The following AKAP9 variants were observed in gnomAD, a reference collection of about 807,000 sequenced individuals.
AKAP9 encodes the protein A-kinase anchor protein 9.
A neutral mutation model predicts 488.5 loss-of-function variants in AKAP9; 311 were observed. That is an observed-to-expected ratio of 0.64 (90% confidence interval 0.58 to 0.70). AKAP9 has a LOEUF of 0.70. AKAP9 is among the 30% of genes least tolerant of loss of function. The pLI, the probability that AKAP9 is intolerant of heterozygous loss-of-function variation, is 0.00. For missense variants in AKAP9, 4,215 were observed against 4,374.5 expected (o/e 0.96, Z 1.03); for synonymous variants, 1,462 against 1,483.5 (o/e 0.99, Z 0.33).
At chr7:91,993,314 G>T (rs1363188313) in intron 5 of AKAP9, among the ~76,000 whole-genome samples, 1 of 151,634 alleles carries the variant, frequency 6.6e-6, no homozygotes, top group Non-Finnish European at 1.5e-5. Context: ...TCAGCCTTGT[G>T]AGTAACTGGG....
intron 43 of AKAP9, among the ~76,000 whole-genome samples, chr7:92,098,966 C>T (rs1817093622): frequency 6.6e-6 from 1 of 152,100 alleles, no homozygotes; most frequent in South Asian, 2.1e-4. Context: ...AAACATTTTT[C>T]CCTGGGGAAA....
intron 34 of AKAP9, 36 bp downstream of exon 34, chr7:92,084,739 T>C: frequency 1.2e-6 from 2 of 1,608,178 alleles, no homozygotes; most frequent in Non-Finnish European, 1.7e-6. Context: ...TTTGTAGTAG[T>C]TGTTTAAGAA....
At chr7:92,051,672 A>G (rs1343959324) in intron 21 of AKAP9, among the ~76,000 whole-genome samples, 1 of 152,210 alleles carries the variant, frequency 6.6e-6, no homozygotes, top group African/African-American at 2.4e-5. Flanking sequence ...GGCACCAGCT[A>G]CTTTAGCAAG....
rs368823780 is a variant in AKAP9, at chr7:92,079,229, A to G, written c.7096A>G (p.Ile2366Val). ...IEKLQQELAN[I>V]GQKTSMNAHS... ...AAAACTTCAACAGGAATTGGCAAATATTGGACAGAAGACATCAATGAATGC... is the reference window on the plus strand; with the variant it reads ...AAAACTTCAACAGGAATTGGCAAATGTTGGACAGAAGACATCAATGAATGC... The change falls in exon 31 of 50, where the codon ATT (isoleucine) becomes GTT (valine). Residue 2366 changes from isoleucine (I) to valine (V), a missense_variant. Transcript: ENST00000356239. 3.4e-5 allele frequency: 55 copies of G among 1,613,992 alleles called. No individual in the cohort carries two copies. Among genetic ancestry groups the G allele is most frequent in the Non-Finnish European group, 4.5e-5 (53 of 1,180,004 alleles).
rs758207667 is a variant in AKAP9 at position 91,992,991 on chromosome 7, T to C, written c.512T>C (p.Ile171Thr). The C allele has an allele frequency of 5.0e-6, 8 of 1,614,024 alleles. No homozygotes were observed. The South Asian group carries it at 7.7e-5, about 16-fold the overall frequency. The change falls in exon 5 of 50, where the codon ATT (isoleucine) becomes ACT (threonine). Residue 171 changes from isoleucine (I) to threonine (T), a missense_variant. Ile to Thr is a moderately conservative substitution (Grantham distance 89). This residue lies in a region of AKAP9 where 2,361 missense variants were observed against 2,430.0 expected (regional missense o/e 0.97). Coordinates refer to ENST00000356239, the MANE Select transcript of AKAP9 (RefSeq NM_005751.5). ...GAGTTGGCTGGGAAGCAGCATGAGA[T>C]TGAAGAGCTAAACAGAGAGCTGGAA... ...ESELAGKQHE[I>T]EELNRELEEM... is the part of the protein sequence containing the mutation.
intron 2 of AKAP9, among the ~76,000 whole-genome samples, chr7:91,979,657 G>C (rs965249892): frequency 2.0e-5 from 3 of 152,132 alleles, no homozygotes; most frequent in African/African-American, 7.2e-5. Flanking sequence ...TTGTGCTTTG[G>C]GGCCATTACT....
chr7:92,046,702 A>G (rs932163305), intron 21 of AKAP9, among the ~76,000 whole-genome samples: 5 of 152,204 alleles, frequency 3.3e-5, no homozygotes, highest in East Asian at 1.9e-4. Context: ...TTATTTCTGC[A>G]TATGGATCTT....
intron 28 of AKAP9, 90 bp from the exon 29 acceptor site, chr7:92,076,765 A>G: frequency 3.9e-6 from 3 of 771,812 alleles, no homozygotes; most frequent in South Asian, 2.1e-5. Context: ...AAGCATGCAT[A>G]CTTTGTAAAG....
chr7:92,042,031 T>G lies in AKAP9; in HGVS notation c.4918-15T>G. ...TCACAAACAGTATTCTTTCATGACC[T>G]TTTTTCTTATTTAGAGATCCTCCAT... On this transcript the variant is annotated splice_polypyrimidine_tract_variant and intron_variant, in intron 18 of 49. Coordinates refer to ENST00000356239, the MANE Select transcript of AKAP9 (RefSeq NM_005751.5). 2 of 1,612,148 alleles carry G rather than the reference T, an allele frequency of 1.2e-6. No homozygotes were observed. Among genetic ancestry groups the G allele is most frequent in the East Asian group, 2.2e-5 (1 of 44,846 alleles).
intron 49 of AKAP9, 52 bp from the exon 50 acceptor site, chr7:92,110,070 C>A (rs368910046): frequency 9.8e-5 from 133 of 1,354,570 alleles, no homozygotes; most frequent in Non-Finnish European, 1.4e-4. Context: ...GGGTCTGATA[C>A]AGGTAGCAAT....
At chr7:92,037,802 TCA>T (rs1057365916) in intron 16 of AKAP9, among the ~76,000 whole-genome samples, 7 of 152,336 alleles carry the variant, frequency 4.6e-5, no homozygotes, top group African/African-American at 1.7e-4. Context: ...AAATATTTCA[TCA>T]CACTGGTGTT....
At chr7:92,042,889 C>A in intron 20 of AKAP9, 118 bp downstream of exon 20, 1 of 718,846 alleles carries the variant, frequency 1.4e-6, no homozygotes, top group Non-Finnish European at 2.4e-6. Flanking sequence ...AATCATCATA[C>A]CATCTGTGTA....
At chr7:91,982,424 G>A (rs1368871634) in intron 3 of AKAP9, among the ~76,000 whole-genome samples, 1 of 151,844 alleles carries the variant, frequency 6.6e-6, no homozygotes, top group Non-Finnish European at 1.5e-5. Context: ...TCCCACCTAT[G>A]AGTGAGAACT....
intron 1 of AKAP9, among the ~76,000 whole-genome samples, chr7:91,945,525 A>G (rs1468901862): frequency 1.3e-5 from 2 of 152,082 alleles, no homozygotes; most frequent in Non-Finnish European, 2.9e-5. Context: ...AAACAAAACA[A>G]AAACAGAGGC....
chr7:92,109,080 A>G (rs993709196), intron 49 of AKAP9: 9 of 268,382 alleles, frequency 3.4e-5, no homozygotes, highest in African/African-American at 2.0e-4. Context: ...GTGGTAAGGC[A>G]TGCAAATCGG....
chr7:92,023,959 G>A (rs1461877443), intron 14 of AKAP9, among the ~76,000 whole-genome samples: 2 of 152,038 alleles, frequency 1.3e-5, no homozygotes, highest in Admixed American at 6.5e-5. Flanking sequence ...TTACTCAAGT[G>A]TCATGTTCTC....
In AKAP9 at chr7:91,940,931, T is replaced by A; in HGVS notation, c.-169T>A. ...GCGCTTCCCGTGCGGCTGAGGACGA[T>A]CCGCCAGTGAGCGCGGAGACTGCTT... On this transcript the variant is annotated 5_prime_UTR_variant, in exon 1 of 50. Coordinates refer to ENST00000356239, the MANE Select transcript of AKAP9 (RefSeq NM_005751.5). The A allele has an allele frequency of 1.4e-6, 1 of 739,308 alleles. No individual in the cohort carries two copies. 45.8% of individuals were successfully genotyped at this position (739,308 alleles called of 1,614,324 possible).
chr7:92,048,337 A>G (rs1012987528), intron 21 of AKAP9, among the ~76,000 whole-genome samples: 5 of 152,220 alleles, frequency 3.3e-5, no homozygotes, highest in Non-Finnish European at 7.3e-5. Context: ...AACACTCAAA[A>G]AGTAAAGAAT....
At chr7:92,085,466 A>G in intron 35 of AKAP9, 29 bp from the exon 36 acceptor site, 1 of 1,606,644 alleles carries the variant, frequency 6.2e-7, no homozygotes, top group Non-Finnish European at 8.5e-7. Flanking sequence ...AAGTTGTCAT[A>G]ATTCTGGCTC....
Sources: gnomAD v4.1 joint callset for allele counts (sites outside exome capture counted in the v4.1 genomes callset) on GRCh38, gnomAD v4.1.1 for gene constraint, gnomAD v4.1.1 regional missense constraint, MANE v1.5 for transcripts, NCBI Gene and HGNC (gene_info 2026-07-23, HGNC 2026-07-21) for gene names.